The following FAM81A variants were observed in gnomAD, a reference collection of about 807,000 sequenced individuals.
FAM81A encodes protein FAM81A.
Under a neutral mutation model 46.7 loss-of-function variants are expected in FAM81A, and 19 were observed. The observed-to-expected ratio is 0.41, with a 90% CI of 0.28 to 0.60. The LOEUF (loss-of-function observed/expected upper bound fraction) is 0.60, where lower values mean the gene tolerates loss of function less well. Among genes scored for constraint, FAM81A ranks in the 20% least tolerant of loss-of-function variants. The pLI is 0.34. For missense variants in FAM81A, 377 were observed against 453.5 expected (o/e 0.83, Z 1.53); for synonymous variants, 183 against 152.9 (o/e 1.20, Z -1.45).
At chr15:59,405,095 T>G (rs1310786669) in intron 2 of FAM81A, among the ~76,000 whole-genome samples, 1 of 152,228 alleles carries the variant, frequency 6.6e-6, no homozygotes, top group Non-Finnish European at 1.5e-5. Flanking sequence ...TGCTAACATG[T>G]AACTTCCTCA....
intron 3 of FAM81A, among the ~76,000 whole-genome samples, chr15:59,465,941 C>T (rs759094168): frequency 3.3e-5 from 5 of 152,174 alleles, no homozygotes; most frequent in South Asian, 2.1e-4. Flanking sequence ...TGAGAACATG[C>T]GGTGTTTGGT....
At chr15:59,510,196 T>C (rs2082190698) in intron 6 of FAM81A, among the ~76,000 whole-genome samples, 1 of 151,922 alleles carries the variant, frequency 6.6e-6, no homozygotes, top group Non-Finnish European at 1.5e-5. Context: ...TGAAACCCTG[T>C]CTCTACTAAA....
At chr15:59,414,008 C>T (rs1043293883) in intron 2 of FAM81A, among the ~76,000 whole-genome samples, 4 of 152,150 alleles carry the variant, frequency 2.6e-5, no homozygotes, top group Non-Finnish European at 5.9e-5. Flanking sequence ...GGCTGGAGAG[C>T]AGTGGCATGA....
chr15:59,501,181 G>T (rs778949518), intron 4 of FAM81A, among the ~76,000 whole-genome samples: 1 of 152,112 alleles, frequency 6.6e-6, no homozygotes, highest in Non-Finnish European at 1.5e-5. Context: ...AGTGATGTCT[G>T]TTTATCCTGT....
chr15:59,514,640 T>A (rs1210768996), intron 7 of FAM81A, among the ~76,000 whole-genome samples: 1 of 152,228 alleles, frequency 6.6e-6, no homozygotes, highest in Non-Finnish European at 1.5e-5. Context: ...AGTAGAAAAT[T>A]TCAGTACTTT....
At position 59,522,647 on chromosome 15, in the gene FAM81A, C is replaced by T. The variant is rs1455007522; in HGVS notation, c.*1269C>T. On this transcript the variant is annotated 3_prime_UTR_variant, in exon 9 of 9. Coordinates refer to ENST00000288228, the MANE Select transcript of FAM81A (RefSeq NM_152450.3). ...CTGTATGTAAAAACTGACAGTGAGA[C>T]ACAACGTTCTGAACTGTGAGGGTGT... is the stretch of plus-strand genomic sequence containing the variant. 1 of 152,376 alleles carries T rather than the reference C, an allele frequency of 6.6e-6. No individual in the cohort carries two copies. Among genetic ancestry groups the T allele is most frequent in the Non-Finnish European group, 1.5e-5 (1 of 67,976 alleles). 9.4% of individuals were successfully genotyped at this position (152,376 alleles called of 1,614,324 possible). A position where few individuals can be genotyped will look rare whatever the true frequency, so the allele number is the denominator to read the frequency against.
chr15:59,461,827 G>A (rs974193997), intron 3 of FAM81A, among the ~76,000 whole-genome samples: 2 of 152,142 alleles, frequency 1.3e-5, no homozygotes, highest in Non-Finnish European at 2.9e-5. Flanking sequence ...GGTCTTTGAT[G>A]TGAAAATATG....
intron 2 of FAM81A, among the ~76,000 whole-genome samples, chr15:59,404,288 A>G (rs2081084975): frequency 2.6e-5 from 4 of 152,098 alleles, no homozygotes; most frequent in Admixed American, 1.3e-4. Flanking sequence ...GAAAGAGAAG[A>G]TCCATCAGGA....
intron 4 of FAM81A, among the ~76,000 whole-genome samples, chr15:59,496,416 C>T (rs187876462): frequency 3.3e-5 from 5 of 152,110 alleles, no homozygotes; most frequent in Middle Eastern, 3.4e-3. Context: ...ACCAGCCTGA[C>T]CAATATGGTG....
intron 1 of FAM81A, among the ~76,000 whole-genome samples, chr15:59,442,186 G>A (rs1048835899): frequency 6.6e-6 from 1 of 152,180 alleles, no homozygotes; most frequent in Non-Finnish European, 1.5e-5. Flanking sequence ...GCCCTGAGCT[G>A]TTGCCCACAT....
intron 2 of FAM81A, among the ~76,000 whole-genome samples, chr15:59,402,854 T>C (rs778818282): frequency 6.6e-5 from 10 of 152,196 alleles, no homozygotes; most frequent in Admixed American, 1.3e-4. Context: ...ACGCCCGGCC[T>C]CTATTCCTTT....
chr15:59,417,887 C>T (rs1298082177), intron 2 of FAM81A, among the ~76,000 whole-genome samples: 3 of 152,052 alleles, frequency 2.0e-5, no homozygotes, highest in Non-Finnish European at 4.4e-5. Context: ...TCGTCATTTA[C>T]ATTAGGTTTA....
intron 4 of FAM81A, among the ~76,000 whole-genome samples, chr15:59,493,389 C>T (rs1410750804): frequency 6.6e-6 from 1 of 152,120 alleles, no homozygotes; most frequent in Non-Finnish European, 1.5e-5. Context: ...ATTTTCTGTC[C>T]TCATCAGGAT....
intron 3 of FAM81A, among the ~76,000 whole-genome samples, chr15:59,467,315 G>A (rs538327371): frequency 3.3e-5 from 5 of 152,192 alleles, no homozygotes; most frequent in South Asian, 2.1e-4. Context: ...CCATTTTCAC[G>A]ATATTGATTC....
upstream of FAM81A, among the ~76,000 whole-genome samples, chr15:59,435,278 T>G (rs2081238336): frequency 1.3e-5 from 2 of 150,546 alleles, no homozygotes; most frequent in South Asian, 4.2e-4. Flanking sequence ...AGAGCAAGAC[T>G]CCGTCTCAAA....
chr15:59,523,079 C>G lies in FAM81A; in HGVS notation c.*1701C>G, dbSNP rs1436551352. 1 of 152,364 alleles carries G rather than the reference C, an allele frequency of 6.6e-6. No homozygotes were observed. Among genetic ancestry groups the G allele is most frequent in the East Asian group, 1.9e-4 (1 of 5,194 alleles). The allele number at this position is 152,364 out of a possible 1,614,324, so 9.4% of individuals were successfully genotyped here. Reference sequence around the variant, plus strand: ...ACAAACCACAGCACAGGAAGCCACACCCCCTCCAGCATCTCTGTCTTGTGG... The same window carrying G: ...ACAAACCACAGCACAGGAAGCCACAGCCCCTCCAGCATCTCTGTCTTGTGG... On this transcript the variant is annotated 3_prime_UTR_variant, in exon 9 of 9. Coordinates refer to ENST00000288228, the MANE Select transcript of FAM81A (RefSeq NM_152450.3).
In FAM81A at chr15:59,473,756, A is replaced by G. The variant is rs897407414; in HGVS notation, c.294+13550A>G. ...TTTTTCTGTCAACGTAAGAGGTGATAGTGTTTTAGCTGCAACTGTCGGATC... is the reference window on the plus strand; with the variant it reads ...TTTTTCTGTCAACGTAAGAGGTGATGGTGTTTTAGCTGCAACTGTCGGATC... On this transcript the variant is annotated intron_variant, in intron 3 of 8. Coordinates refer to ENST00000288228, the MANE Select transcript of FAM81A (RefSeq NM_152450.3). Among the ~76,000 whole-genome samples, 3 of 152,214 alleles carry G rather than the reference A, an allele frequency of 2.0e-5. No individual in the cohort carries two copies. The South Asian group carries it at 6.2e-4, about 31-fold the overall frequency.
rs190808788 is a variant in FAM81A at position 59,499,149 on chromosome 15, C to T, written c.413+6760C>T. On this transcript the variant is annotated intron_variant, in intron 4 of 8. Transcript: ENST00000288228. The stretch of plus-strand genomic sequence containing the variant: ...TTTTTTCAATTGATAAGGTTTATTA[C>T]ACTAATTGCTTTTCTGATGTTAAAG... Among the ~76,000 whole-genome samples the T allele has an allele frequency of 3.5e-3, 532 of 152,210 alleles. 3 individuals are homozygous for T. The highest frequency in any genetic ancestry group is 6.2e-3 in the Non-Finnish European group (419 of 68,020).
chr15:59,496,276 CT>C (rs1214878747), intron 4 of FAM81A, among the ~76,000 whole-genome samples: 7 of 152,162 alleles, frequency 4.6e-5, no homozygotes, highest in Admixed American at 4.6e-4. Flanking sequence ...AAAGTCTATT[CT>C]TTCCCCCATC....
Sources: gnomAD v4.1 joint callset for allele counts (sites outside exome capture counted in the v4.1 genomes callset) on GRCh38, gnomAD v4.1.1 for gene constraint, MANE v1.5 for transcripts, NCBI Gene and HGNC (gene_info 2026-07-23, HGNC 2026-07-21) for gene names.